HEXB: variants seen among roughly 807,000 people sequenced by gnomAD.
HEXB encodes beta-hexosaminidase subunit beta.
In HEXB, 51 loss-of-function variants were observed where a neutral mutation model predicts 71.2. The ratio of observed to expected loss-of-function variants is 0.72; its 90% CI spans 0.57 to 0.90. The LOEUF is 0.90. HEXB is among the 40% of genes least tolerant of loss of function. The pLI is 0.00. For synonymous variants in HEXB, 266 were observed against 249.3 expected (o/e 1.07, Z -0.63); for missense variants, 617 against 677.0 (o/e 0.91, Z 0.98).
intron 5 of HEXB, among the ~76,000 whole-genome samples, chr5:74,699,519 C>T (rs1373551954): frequency 1.3e-5 from 2 of 152,114 alleles, no homozygotes; most frequent in East Asian, 3.9e-4. Context: ...AAGTGATTTG[C>T]CTGCCTTGGC....
At chr5:74,666,247 C>T (rs1450082878) in intron 1 of HEXB, among the ~76,000 whole-genome samples, 2 of 152,222 alleles carry the variant, frequency 1.3e-5, no homozygotes, top group African/African-American at 4.8e-5. Context: ...CTCAATGGGT[C>T]ACAAATAATA....
intron 2 of HEXB, among the ~76,000 whole-genome samples, chr5:74,690,560 G>A (rs1488318648): frequency 6.7e-6 from 1 of 149,888 alleles, no homozygotes; most frequent in Admixed American, 6.8e-5. Context: ...GCTGAGGCAG[G>A]AGAATCACTT....
chr5:74,700,770 C>T (rs1033612936), intron 5 of HEXB, among the ~76,000 whole-genome samples: 18 of 151,964 alleles, frequency 1.2e-4, no homozygotes, highest in African/African-American at 4.1e-4. Flanking sequence ...TGCAATGGTG[C>T]GGTCTCAGCT....
At chr5:74,680,144 A>G (rs1748712348) in intron 1 of HEXB, among the ~76,000 whole-genome samples, 1 of 152,198 alleles carries the variant, frequency 6.6e-6, no homozygotes, top group African/African-American at 2.4e-5. Flanking sequence ...TGAAAGGGAT[A>G]CTATCTTTCA....
chr5:74,696,911 A>G, intron 4 of HEXB, 85 bp from the exon 5 acceptor site: 1 of 795,632 alleles, frequency 1.3e-6, no homozygotes, highest in East Asian at 2.6e-5. Flanking sequence ...ATTTTATGAA[A>G]TGCTTGTATA....
At chr5:74,695,509 C>T (rs974834042) in intron 3 of HEXB, among the ~76,000 whole-genome samples, 18 of 150,182 alleles carry the variant, frequency 1.2e-4, no homozygotes, top group Middle Eastern at 3.4e-3. Flanking sequence ...AGCCAAGAGA[C>T]GCTTATTGAT....
In HEXB at chr5:74,685,580, C is replaced by G. The variant is rs930678778; in HGVS notation, c.299+21C>G. 5 of 1,527,256 alleles carry G rather than the reference C, an allele frequency of 3.3e-6. No individual in the cohort carries two copies. In the African/African-American group the frequency reaches 4.3e-5, roughly 13 times the overall value. 94.6% of individuals were successfully genotyped at this position (1,527,256 alleles called of 1,614,324 possible). ...CGACGGTGAGCGCTCCCGGCCCGGC[C>G]GGGAGTTGTCCTGGGGGAGGGGAGA... On this transcript the variant is annotated intron_variant, in intron 1 of 13. Transcript: ENST00000261416.
intron 1 of HEXB, among the ~76,000 whole-genome samples, chr5:74,657,824 G>A (rs758747937): frequency 3.5e-4 from 53 of 152,152 alleles, no homozygotes; most frequent in African/African-American, 1.1e-3. Flanking sequence ...GTCATGTGGC[G>A]TCTTCTGATC....
At chr5:74,692,642 G>T (rs530027327) in intron 2 of HEXB, among the ~76,000 whole-genome samples, 1 of 152,342 alleles carries the variant, frequency 6.6e-6, no homozygotes, top group African/African-American at 2.4e-5. Flanking sequence ...CACCTGAGAT[G>T]CTCACACTAC....
chr5:74,680,162 G>T (rs539104465), intron 1 of HEXB, among the ~76,000 whole-genome samples: 14 of 152,280 alleles, frequency 9.2e-5, no homozygotes, highest in African/African-American at 2.6e-4. Flanking sequence ...TCATGAAAAA[G>T]GAAGGATGAC....
chr5:74,713,564 A>ATGCCAGATTACGAGGAATTCGAGTCC lies in HEXB; in HGVS notation c.838_863dup (p.Glu288AspfsTer28). The ATGCCAGATTACGAGGAATTCGAGTCC allele has an allele frequency of 6.2e-7, 1 of 1,612,504 alleles. No individual in the cohort carries two copies. Among genetic ancestry groups the ATGCCAGATTACGAGGAATTCGAGTCC allele is most frequent in the African/African-American group, 1.3e-5 (1 of 75,004 alleles). On this transcript the variant is annotated frameshift_variant, in exon 7 of 14. Coordinates refer to ENST00000261416, the MANE Select transcript of HEXB (RefSeq NM_000521.4). LOFTEE classifies it high-confidence loss of function. The stretch of plus-strand genomic sequence containing the variant: ...AATGATGTCCGTATGGTGATTGAAT[A>ATGCCAGATTACGAGGAATTCGAGTCC]TGCCAGATTACGAGGAATTCGAGTC...
intron 1 of HEXB, among the ~76,000 whole-genome samples, chr5:74,672,838 G>A (rs893212563): frequency 1.3e-5 from 2 of 152,246 alleles, no homozygotes; most frequent in African/African-American, 4.8e-5. Context: ...AGAGTGGAAG[G>A]AAGGTTAAGA....
chr5:74,650,192 G>A (rs182773390), intron 1 of HEXB, among the ~76,000 whole-genome samples: 5 of 152,300 alleles, frequency 3.3e-5, no homozygotes, highest in Admixed American at 2.0e-4. Context: ...GAGCGGGCAC[G>A]GAACCTCCTC....
intron 3 of HEXB, among the ~76,000 whole-genome samples, chr5:74,694,192 A>G (rs1381237985): frequency 2.0e-5 from 3 of 152,158 alleles, no homozygotes; most frequent in Non-Finnish European, 2.9e-5. Context: ...ACAGCATGGG[A>G]GAAAACTCAT....
In HEXB at chr5:74,715,657, A is replaced by G; in HGVS notation, c.1049A>G (p.His350Arg). The G allele has an allele frequency of 6.2e-7, 1 of 1,609,376 alleles. No individual in the cohort carries two copies. Among genetic ancestry groups the G allele is most frequent in the South Asian group, 1.1e-5 (1 of 90,938 alleles). Residue 350 changes from histidine to arginine, a missense_variant, in exon 8 of 14, where the codon CAT becomes CGT. Coordinates refer to ENST00000261416, the MANE Select transcript of HEXB (RefSeq NM_000521.4). ...ISEVFPDQFI[H>R]LGGDEVEFKC... ...GAGGTGTTTCCAGATCAATTCATTCATTTGGGAGGAGATGAAGTGGAATTT... is the reference window on the plus strand; with the variant it reads ...GAGGTGTTTCCAGATCAATTCATTCGTTTGGGAGGAGATGAAGTGGAATTT...
chr5:74,665,879 C>A (rs820855), intron 1 of HEXB, among the ~76,000 whole-genome samples: 1 of 151,904 alleles, frequency 6.6e-6, no homozygotes, highest in South Asian at 2.1e-4. Flanking sequence ...ATCAACAATT[C>A]TCAGTCAATG....
chr5:74,711,564 A>C (rs1436309022), intron 6 of HEXB, among the ~76,000 whole-genome samples: 1 of 152,256 alleles, frequency 6.6e-6, no homozygotes, highest in Non-Finnish European at 1.5e-5. Context: ...CAGAATCTAC[A>C]ATGAACACAA....
upstream of HEXB, among the ~76,000 whole-genome samples, chr5:74,682,746 G>A (rs921365525): frequency 2.0e-5 from 3 of 152,176 alleles, no homozygotes; most frequent in African/African-American, 7.2e-5. Flanking sequence ...TATAAGAATA[G>A]GGGAGAATAG....
At chr5:74,704,954 T>C (rs1216261432) in intron 5 of HEXB, among the ~76,000 whole-genome samples, 1 of 152,032 alleles carries the variant, frequency 6.6e-6, no homozygotes, top group Non-Finnish European at 1.5e-5. Flanking sequence ...TACCTGGGCA[T>C]GGTAGTGGGC....
Sources: gnomAD v4.1 joint callset for allele counts (sites outside exome capture counted in the v4.1 genomes callset) on GRCh38, gnomAD v4.1.1 for gene constraint, MANE v1.5 for transcripts, NCBI Gene and HGNC (gene_info 2026-07-23, HGNC 2026-07-21) for gene names.